The following AXIN2 variants were observed in gnomAD, a reference collection of about 807,000 sequenced individuals.
AXIN2 encodes axin-2.
A neutral mutation model predicts 74.7 loss-of-function variants in AXIN2; 21 were observed. The ratio of observed to expected loss-of-function variants is 0.28; its 90% CI spans 0.20 to 0.40. AXIN2 has a LOEUF of 0.40. Among genes scored for constraint, AXIN2 ranks in the 10% least tolerant of loss-of-function variants. The probability of loss-of-function intolerance (pLI) is 1.00; values close to 1 mark genes in which losing one functional copy is unlikely to be tolerated. For missense variants in AXIN2, 1,144 were observed against 1,111.1 expected, an observed-to-expected ratio of 1.03 and a Z score of -0.42; for synonymous variants, 532 against 454.9, an observed-to-expected ratio of 1.17 and a Z score of -2.16.
chr17:65,549,142 G>A (rs1567763194), intron 3 of AXIN2, among the ~76,000 whole-genome samples: 1 of 152,314 alleles, frequency 6.6e-6, no homozygotes, highest in East Asian at 1.9e-4. Context: ...TCTGCAGACA[G>A]GATACCTGGG....
rs1060502136 is a variant in AXIN2 at position 65,541,556 on chromosome 17, C to G, written c.958G>C (p.Asp320His). The part of the protein sequence containing the change: ...DSMSMTDSSV[D>H]GIPPYRVGSK... ...CCCACACGATAAGGAGGAATTCCATCTCTAAGGGAAAGGAAAAGACAGAAT... is the reference window on the plus strand; with the variant it reads ...CCCACACGATAAGGAGGAATTCCATGTCTAAGGGAAAGGAAAAGACAGAAT... The change falls in exon 4 of 11, where the codon GAT becomes CAT. Residue 320 changes from aspartate (D) to histidine (H), a missense_variant and splice_region_variant. By Grantham distance (81) the Asp-to-His change is moderately conservative. Around this residue, in one of 4 missense-constraint regions of AXIN2, gnomAD observed 1,053 missense variants for 973.5 expected, o/e 1.08. Transcript: ENST00000307078. The G allele has an allele frequency of 9.9e-6, 16 of 1,612,906 alleles. No individual in the cohort carries two copies. Among genetic ancestry groups the G allele is most frequent in the Non-Finnish European group, 1.3e-5 (15 of 1,178,840 alleles).
chr17:65,556,444 T>C (rs536909059), intron 2 of AXIN2, among the ~76,000 whole-genome samples: 24 of 152,240 alleles, frequency 1.6e-4, no homozygotes, highest in East Asian at 1.5e-3. Context: ...CCCAGACAAC[T>C]TGACTCCACA....
chr17:65,554,059 A>G (rs917435468), intron 2 of AXIN2, among the ~76,000 whole-genome samples: 2 of 151,770 alleles, frequency 1.3e-5, no homozygotes, highest in African/African-American at 4.8e-5. Context: ...GGTGGCAGAG[A>G]CCCCCGGAAC....
chr17:65,534,031 A>G lies in AXIN2; in HGVS notation c.2286T>C (p.Ser762=). The change falls in exon 10 of 11, where the codon AGT becomes AGC. Residue 762 remains serine (S), a synonymous_variant. Transcript: ENST00000307078. The part of the protein sequence containing the change: ...KLAGVHALQA[S]ELVVTYFFCG... Reference sequence around the variant, plus strand: ...AGAAAAAGTAAGTGACAACCAACTCACTGGCCTGGAGCGCGTGGACACCTG... The same window carrying G: ...AGAAAAAGTAAGTGACAACCAACTCGCTGGCCTGGAGCGCGTGGACACCTG... 1.2e-6 allele frequency: 2 copies of G among 1,614,212 alleles called. No individual in the cohort carries two copies. Among genetic ancestry groups the G allele is most frequent in the Non-Finnish European group, 1.7e-6 (2 of 1,180,026 alleles).
chr17:65,534,588 A>T (rs1322394640), intron 9 of AXIN2, among the ~76,000 whole-genome samples: 3 of 152,304 alleles, frequency 2.0e-5, no homozygotes, highest in African/African-American at 7.2e-5. Context: ...TCACACAGTC[A>T]TGTCCATTTC....
At chr17:65,532,998 G>T (rs573976581) in intron 10 of AXIN2, among the ~76,000 whole-genome samples, 1 of 152,218 alleles carries the variant, frequency 6.6e-6, no homozygotes, top group Non-Finnish European at 1.5e-5. Flanking sequence ...TGGGCTGCAG[G>T]CCATGGAGAG....
At chr17:65,545,292 C>T (rs2044102580) in intron 3 of AXIN2, among the ~76,000 whole-genome samples, 2 of 152,212 alleles carry the variant, frequency 1.3e-5, no homozygotes, top group Non-Finnish European at 2.9e-5. Flanking sequence ...CATTTTCACC[C>T]TCTTTACTCC....
At chr17:65,546,889 AC>A (rs1221935750) in intron 3 of AXIN2, among the ~76,000 whole-genome samples, 1 of 152,142 alleles carries the variant, frequency 6.6e-6, no homozygotes, top group Admixed American at 6.5e-5. Context: ...GCCACCAGGA[AC>A]CCAAAGGTAT....
chr17:65,536,908 A>G lies in AXIN2; in HGVS notation c.1868T>C (p.Met623Thr), dbSNP rs752721451. Residue 623 changes from methionine (M) to threonine (T), a missense_variant, in exon 7 of 11, where the codon ATG becomes ACG. Transcript: ENST00000307078. Reference protein sequence around the residue: ...GDRSQDVWQWMLESERQSKPK... With the variant: ...GDRSQDVWQWTLESERQSKPK... ...CTTGCTCTGCCGCTCACTCTCCAGCATCCACTGCCAGACATCCTGCGACCT... is the reference window on the plus strand; with the variant it reads ...CTTGCTCTGCCGCTCACTCTCCAGCGTCCACTGCCAGACATCCTGCGACCT... The G allele has an allele frequency of 2.4e-5, 38 of 1,613,538 alleles. No individual in the cohort carries two copies. The highest frequency in any genetic ancestry group is 3.1e-5 in the Non-Finnish European group (37 of 1,180,010).
At chr17:65,547,753 C>T (rs2044137015) in intron 3 of AXIN2, among the ~76,000 whole-genome samples, 1 of 152,212 alleles carries the variant, frequency 6.6e-6, no homozygotes. Context: ...CCCACACAAT[C>T]CACAAAGTAA....
In AXIN2 at chr17:65,549,511, G is replaced by T; in HGVS notation, c.956+9C>A. ...AGCAAGCCCACGGAAGGGTGGCCAGGATACTCACACACTGCTGTCCGTCAT... is the reference window on the plus strand; with the variant it reads ...AGCAAGCCCACGGAAGGGTGGCCAGTATACTCACACACTGCTGTCCGTCAT... On this transcript the variant is annotated intron_variant, in intron 3 of 10. Coordinates refer to ENST00000307078, the MANE Select transcript of AXIN2 (RefSeq NM_004655.4). The T allele has an allele frequency of 3.1e-6, 5 of 1,612,606 alleles. No individual in the cohort carries two copies. Among genetic ancestry groups the T allele is most frequent in the Non-Finnish European group, 4.2e-6 (5 of 1,179,460 alleles).
At position 65,537,757 on chromosome 17, in the gene AXIN2, G is replaced by A. The variant is rs2043960473; in HGVS notation, c.1279C>T (p.Pro427Ser). 1 of 1,580,892 alleles carries A rather than the reference G, an allele frequency of 6.3e-7. No individual in the cohort carries two copies. ...APTQHPLSLL[P>S]SGSYEEDPQT... ...GGGTCTTCCTCGTAGCTGCCGGAGG[G>A]CAGTAGGGAGAGGGGGTGCTGCGTG... The change falls in exon 6 of 11, where the codon CCC becomes TCC. Residue 427 changes from proline to serine, a missense_variant. By Grantham distance (74) the Pro-to-Ser change is moderately conservative. Transcript: ENST00000307078.
chr17:65,537,184 C>T lies in AXIN2; in HGVS notation c.1713-121G>A, dbSNP rs937312996. On this transcript the variant is annotated intron_variant, in intron 6 of 10. Coordinates refer to ENST00000307078, the MANE Select transcript of AXIN2 (RefSeq NM_004655.4). ...CACGAAAGACCCATGCACCTGCTCC[C>T]CGCACCCTCACCCGGCCGTGCACTC... 41 of 1,537,202 alleles carry T rather than the reference C, an allele frequency of 2.7e-5. 1 individual carries two copies. In the South Asian group the frequency reaches 4.6e-4, roughly 17 times the overall value.
intron 2 of AXIN2, among the ~76,000 whole-genome samples, chr17:65,554,104 T>C (rs1490265649): frequency 6.6e-6 from 1 of 151,466 alleles, no homozygotes; most frequent in African/African-American, 2.5e-5. Context: ...GCTTTCTGTT[T>C]TCCCCTATCC....
chr17:65,557,634 C>T (rs1273767629), intron 2 of AXIN2, among the ~76,000 whole-genome samples, 172 bp downstream of exon 2: 6 of 152,190 alleles, frequency 3.9e-5, no homozygotes, highest in Non-Finnish European at 8.8e-5. Flanking sequence ...GTATGTGCAT[C>T]GCTTTCCCCC....
At chr17:65,560,692 G>A (rs925490633) in intron 1 of AXIN2, 1 of 151,824 alleles carries the variant, frequency 6.6e-6, no homozygotes, top group Non-Finnish European at 1.5e-5. Flanking sequence ...CCGGAACGCT[G>A]GGCGCCGGGT....
intron 3 of AXIN2, among the ~76,000 whole-genome samples, chr17:65,544,873 G>C (rs2044095840): frequency 6.6e-6 from 1 of 152,148 alleles, no homozygotes; most frequent in Non-Finnish European, 1.5e-5. Flanking sequence ...TGAAATAGCA[G>C]ACTCATGCAC....
At chr17:65,537,176 C>A (rs1340422539) in intron 6 of AXIN2, 113 bp from the exon 7 acceptor site, 12 of 1,536,988 alleles carry the variant, frequency 7.8e-6, no homozygotes, top group Middle Eastern at 4.4e-4. Context: ...GACCCATGCA[C>A]CTGCTCCCCG....
intron 2 of AXIN2, among the ~76,000 whole-genome samples, chr17:65,553,664 T>C (rs554163998): frequency 6.6e-6 from 1 of 152,282 alleles, no homozygotes; most frequent in South Asian, 2.1e-4. Context: ...CTTAACTCAG[T>C]TGACTGCAAT....
Sources: gnomAD v4.1 joint callset for allele counts (sites outside exome capture counted in the v4.1 genomes callset) on GRCh38, gnomAD v4.1.1 for gene constraint, gnomAD v4.1.1 regional missense constraint, MANE v1.5 for transcripts, NCBI Gene and HGNC (gene_info 2026-07-23, HGNC 2026-07-21) for gene names.